Variants in LRRTM4 observed in about 807,000 individuals in gnomAD.
The protein encoded by LRRTM4 is leucine rich repeat transmembrane neuronal 4, also known as leucine-rich repeat transmembrane neuronal protein 4.
LRRTM4 carries 25 observed loss-of-function variants against 47.6 expected under a neutral mutation model. The ratio of observed to expected loss-of-function variants is 0.53; its 90% CI spans 0.38 to 0.73. LRRTM4 has a LOEUF of 0.73. Ranked by LOEUF, LRRTM4 falls within the 30% of genes least tolerant of loss-of-function variation. The pLI is 0.00. For missense variants in LRRTM4, 638 were observed against 713.4 expected, an observed-to-expected ratio of 0.89 and a Z score of 1.20; for synonymous variants, 311 against 269.5, an observed-to-expected ratio of 1.15 and a Z score of -1.51.
At chr2:76,839,980 A>G (rs528382213) in intron 3 of LRRTM4, among the ~76,000 whole-genome samples, 2 of 152,204 alleles carry the variant, frequency 1.3e-5, no homozygotes, top group African/African-American at 4.8e-5. Context: ...CACACATTCA[A>G]TCTGGCCCTG....
At chr2:77,236,692 G>A (rs1316053139) in intron 3 of LRRTM4, among the ~76,000 whole-genome samples, 1 of 152,042 alleles carries the variant, frequency 6.6e-6, no homozygotes, top group East Asian at 1.9e-4. Context: ...TTTGAGGTAT[G>A]TTCCTTCAAT....
Position 77,141,073 on chromosome 2 carries a change from A to G in LRRTM4, c.1551+377245T>C, listed in dbSNP as rs377294131. On this transcript the variant is annotated intron_variant, in intron 3 of 3. Transcript: ENST00000409884. The stretch of plus-strand genomic sequence containing the variant: ...GTGGAAGACAGTGTGGCAATTCCTC[A>G]AGGATCTAGAACTAGAAATACCATT... Among the ~76,000 whole-genome samples, 68 of 152,284 alleles carry G rather than the reference A, an allele frequency of 4.5e-4. No homozygotes were observed. In the East Asian group the frequency reaches 9.9e-3, roughly 22 times the overall value.
chr2:77,455,754 C>CT (rs1676511434), intron 3 of LRRTM4, among the ~76,000 whole-genome samples: 2 of 152,120 alleles, frequency 1.3e-5, no homozygotes, highest in African/African-American at 4.8e-5. Context: ...CGCCAAATTC[C>CT]TTTTTTATCA....
intron 3 of LRRTM4, among the ~76,000 whole-genome samples, chr2:76,881,619 G>GA (rs945656729): frequency 1.3e-5 from 2 of 150,018 alleles, no homozygotes; most frequent in Non-Finnish European, 3.0e-5. Context: ...TACTTTTTAG[G>GA]AAAAAAAACT....
intron 3 of LRRTM4, among the ~76,000 whole-genome samples, chr2:77,212,806 A>G (rs1004073902): frequency 1.3e-5 from 2 of 152,116 alleles, no homozygotes; most frequent in Non-Finnish European, 2.9e-5. Context: ...ACAATTGTTT[A>G]TACAATCATT....
At chr2:76,866,274 A>G (rs2104029240) in intron 3 of LRRTM4, among the ~76,000 whole-genome samples, 1 of 152,292 alleles carries the variant, frequency 6.6e-6, no homozygotes, top group South Asian at 2.1e-4. Context: ...CTGGGGAACG[A>G]TCTCAGTTTC....
chr2:77,279,594 C>T (rs1676454709), intron 3 of LRRTM4, among the ~76,000 whole-genome samples: 1 of 151,830 alleles, frequency 6.6e-6, no homozygotes, highest in African/African-American at 2.4e-5. Context: ...ATTGCATTAG[C>T]TTTTATTATT....
At chr2:77,011,992 C>T (rs1438539247) in intron 3 of LRRTM4, among the ~76,000 whole-genome samples, 2 of 151,994 alleles carry the variant, frequency 1.3e-5, no homozygotes, top group East Asian at 1.9e-4. Flanking sequence ...AGTGACAGCA[C>T]GTGCCAGATG....
chr2:76,952,606 T>A (rs1001630655), intron 3 of LRRTM4, among the ~76,000 whole-genome samples: 6 of 151,950 alleles, frequency 3.9e-5, no homozygotes, highest in Admixed American at 1.3e-4. Context: ...GTAAATTAGT[T>A]CGGCACGGTG....
At chr2:77,384,270 T>C (rs762875670) in intron 3 of LRRTM4, among the ~76,000 whole-genome samples, 17 of 151,850 alleles carry the variant, frequency 1.1e-4, no homozygotes, top group Non-Finnish European at 1.8e-4. Flanking sequence ...AGTTTGATAG[T>C]TTAGAATGTG....
intron 3 of LRRTM4, among the ~76,000 whole-genome samples, chr2:77,114,954 A>G (rs545128609): frequency 6.6e-6 from 1 of 152,260 alleles, no homozygotes; most frequent in Non-Finnish European, 1.5e-5. Flanking sequence ...AGGGTTCAAG[A>G]GCAGACAACC....
intron 3 of LRRTM4, among the ~76,000 whole-genome samples, chr2:77,032,569 A>G (rs1678700351): frequency 6.6e-6 from 1 of 152,130 alleles, no homozygotes; most frequent in Non-Finnish European, 1.5e-5. Flanking sequence ...AATAGATGAA[A>G]AAAAGCTGGA....
At chr2:77,000,860 C>T (rs1677397634) in intron 3 of LRRTM4, among the ~76,000 whole-genome samples, 1 of 152,034 alleles carries the variant, frequency 6.6e-6, no homozygotes, top group Non-Finnish European at 1.5e-5. Flanking sequence ...GTGGAGGGAC[C>T]TTTCACATAG....
intron 3 of LRRTM4, among the ~76,000 whole-genome samples, chr2:77,464,454 T>C (rs1279715544): frequency 6.6e-6 from 1 of 152,096 alleles, no homozygotes; most frequent in Non-Finnish European, 1.5e-5. Context: ...TAATCTAATA[T>C]CTCTAACATG....
intron 3 of LRRTM4, among the ~76,000 whole-genome samples, chr2:76,803,046 T>C (rs1214565539): frequency 6.6e-6 from 1 of 152,130 alleles, no homozygotes. Flanking sequence ...TGGGTAATGA[T>C]TTATTTTTAT....
rs755188106 is a variant in LRRTM4, at chr2:77,066,673, G to A, written c.1552-317757C>T. Among the ~76,000 whole-genome samples, 119 of 152,254 alleles carry A rather than the reference G, an allele frequency of 7.8e-4. 1 individual carries two copies. Among genetic ancestry groups the A allele is most frequent in the Non-Finnish European group, 1.1e-3 (77 of 68,014 alleles). ...CTATGTAGAGAGAGGTATACAAATC[G>A]TATAGAGATATGTAGGCATATACAT... is the stretch of plus-strand genomic sequence containing the variant. On this transcript the variant is annotated intron_variant, in intron 3 of 3. Transcript: ENST00000409884.
At chr2:77,286,134 A>G (rs992648240) in intron 3 of LRRTM4, among the ~76,000 whole-genome samples, 2 of 152,078 alleles carry the variant, frequency 1.3e-5, no homozygotes, top group Non-Finnish European at 2.9e-5. Flanking sequence ...TGTTATTTTC[A>G]GAGTTGAAAA....
At chr2:76,951,627 T>A (rs1040158366) in intron 3 of LRRTM4, among the ~76,000 whole-genome samples, 1 of 151,968 alleles carries the variant, frequency 6.6e-6, no homozygotes, top group East Asian at 2.0e-4. Context: ...ATAATTTTTT[T>A]CTTTTACTTT....
intron 3 of LRRTM4, among the ~76,000 whole-genome samples, chr2:77,338,978 CTTAAG>C (rs1293069786): frequency 1.3e-5 from 2 of 151,904 alleles, no homozygotes; most frequent in Non-Finnish European, 2.9e-5. Flanking sequence ...AAACCATAAT[CTTAAG>C]TTAATTAATG....
Sources: gnomAD v4.1 joint callset for allele counts (sites outside exome capture counted in the v4.1 genomes callset) on GRCh38, gnomAD v4.1.1 for gene constraint, MANE v1.5 for transcripts, NCBI Gene and HGNC (gene_info 2026-07-23, HGNC 2026-07-21) for gene names.